Variants in HERC1 observed in about 807,000 individuals in gnomAD.
HERC1 encodes the protein probable E3 ubiquitin-protein ligase HERC1.
In HERC1, 160 loss-of-function variants were observed where a neutral mutation model predicts 554.3. The ratio of observed to expected loss-of-function variants is 0.29; its 90% CI spans 0.25 to 0.33. The LOEUF (loss-of-function observed/expected upper bound fraction) is 0.33, where lower values mean the gene tolerates loss of function less well. HERC1 is among the 10% of genes least tolerant of loss of function. The pLI, the probability that HERC1 is intolerant of heterozygous loss-of-function variation, is 1.00. For synonymous variants in HERC1, 2,175 were observed against 2,131.7 expected (o/e 1.02, Z -0.56); for missense variants, 4,919 against 5,918.5 (o/e 0.83, Z 5.54).
chr15:63,733,155 AAT>A lies in HERC1; in HGVS notation c.2647-12_2647-11del. The A allele has an allele frequency of 6.3e-7, 1 of 1,579,140 alleles. No homozygotes were observed. On this transcript the variant is annotated splice_polypyrimidine_tract_variant and intron_variant, in intron 13 of 77. Transcript: ENST00000443617. ...TATCCAGTTGCATTCTCTAAAGAAC[AAT>A]AAAATAGGAACAAGTAACTAGCGTA...
chr15:63,652,916 C>T (rs1342576330), intron 51 of HERC1, among the ~76,000 whole-genome samples: 2 of 152,132 alleles, frequency 1.3e-5, no homozygotes, highest in African/African-American at 4.8e-5. Context: ...TCTCAAAATT[C>T]TGGGATTACA....
intron 48 of HERC1, 61 bp from the exon 49 acceptor site, chr15:63,656,419 T>G: frequency 7.1e-7 from 1 of 1,412,796 alleles, no homozygotes. Context: ...AGGGACCATT[T>G]GCAGTCCCAC....
Position 63,775,912 on chromosome 15 carries a change from C to T in HERC1, c.-26-263G>A, listed in dbSNP as rs1042679537. On this transcript the variant is annotated intron_variant, in intron 1 of 77. Transcript: ENST00000443617. This position sits in a 1 kb window ranked among gnomAD's most constrained non-coding sequence, Gnocchi z 4.0. The stretch of plus-strand genomic sequence containing the variant: ...AATTAGCCAGGCATGGTGGCACATA[C>T]CTCTAGTCCCAGCTGCTTGGGAGGC... Among the ~76,000 whole-genome samples, 3 of 152,050 alleles carry T rather than the reference C, an allele frequency of 2.0e-5. No homozygotes were observed. The East Asian group carries it at 5.8e-4, about 29-fold the overall frequency.
intron 47 of HERC1, 82 bp downstream of exon 47, chr15:63,659,649 TTTTAC>T: frequency 2.2e-6 from 2 of 909,682 alleles, no homozygotes; most frequent in Non-Finnish European, 3.4e-6. Flanking sequence ...TCTTATTTAC[TTTTAC>T]TTTATTATTA....
intron 11 of HERC1, among the ~76,000 whole-genome samples, chr15:63,747,320 C>G (rs1016684100): frequency 1.7e-4 from 26 of 152,076 alleles, no homozygotes; most frequent in Non-Finnish European, 3.5e-4. Flanking sequence ...ATTAGCTGGG[C>G]ATGATGGCGG....
rs1302834367 is a variant in HERC1 at position 63,674,579 on chromosome 15, C to A, written c.7609G>T (p.Val2537Phe). 2 of 1,612,364 alleles carry A rather than the reference C, an allele frequency of 1.2e-6. No individual in the cohort carries two copies. Among genetic ancestry groups the A allele is most frequent in the African/African-American group, 2.7e-5 (2 of 74,894 alleles). Reference protein sequence around the residue: ...KYAELLLIPKVLAENGHNSDC... With the variant: ...KYAELLLIPKFLAENGHNSDC... ...GAGTTGTGGCCATTTTCAGCCAGAACTTTTGGTATCAGCAACAGCTCAGCA... is the reference window on the plus strand; with the variant it reads ...GAGTTGTGGCCATTTTCAGCCAGAAATTTTGGTATCAGCAACAGCTCAGCA... The change falls in exon 38 of 78, where the codon GTT becomes TTT. Residue 2537 changes from valine (V) to phenylalanine (F), a missense_variant. By Grantham distance (50) the Val-to-Phe change is conservative. Around this residue, in one of 11 missense-constraint regions of HERC1, gnomAD observed 1,963 missense variants for 2,228.6 expected, o/e 0.88. Transcript: ENST00000443617.
Position 63,680,596 on chromosome 15 carries a change from A to C in HERC1, c.6406T>G (p.Phe2136Val). 6.2e-7 allele frequency: 1 copy of C among 1,613,844 alleles called. No individual in the cohort carries two copies. Among genetic ancestry groups the C allele is most frequent in the Non-Finnish European group, 8.5e-7 (1 of 1,179,782 alleles). ...LTLSSFTQGD[F>V]ITCVLDMEAR... is the part of the protein sequence containing the mutation. ...TCCATGTCTAACACACAGGTAATGA[A>C]ATCTCCTTGAGTAAAGCTGGACAAT... Residue 2136 changes from phenylalanine (F) to valine (V), a missense_variant, in exon 35 of 78, where the codon TTC becomes GTC. Phe to Val is a conservative substitution (Grantham distance 50). Transcript: ENST00000443617. This position sits in a 1 kb window ranked among gnomAD's most constrained non-coding sequence, Gnocchi z 5.8.
chr15:63,810,981 A>G (rs1596308634), intron 1 of HERC1, among the ~76,000 whole-genome samples: 1 of 152,360 alleles, frequency 6.6e-6, no homozygotes, highest in South Asian at 2.1e-4. Context: ...AGGACATTGT[A>G]TAAGACAACT....
intron 38 of HERC1, among the ~76,000 whole-genome samples, chr15:63,673,930 G>A (rs1405886410): frequency 6.6e-6 from 1 of 152,136 alleles, no homozygotes; most frequent in Admixed American, 6.5e-5. Flanking sequence ...TCACCATGTT[G>A]GCCAGGCTGG....
chr15:63,675,903 CTTTT>C (rs201499820), intron 37 of HERC1, among the ~76,000 whole-genome samples: 1 of 133,288 alleles, frequency 7.5e-6, no homozygotes, highest in Admixed American at 7.7e-5. Flanking sequence ...CTGTATACAT[CTTTT>C]TTTTTTTTTT....
chr15:63,737,481 G>GATATATATATATATAT (rs1162968549), intron 12 of HERC1, among the ~76,000 whole-genome samples: 4 of 45,170 alleles, frequency 8.9e-5, no homozygotes, highest in South Asian at 6.4e-4. Flanking sequence ...CTTTTTTCCA[G>GATATATATATATATAT]ATATATATAT....
At position 63,686,461 on chromosome 15, in the gene HERC1, C is replaced by T. The variant is rs1157706242; in HGVS notation, c.6123G>A (p.Gln2041=). Residue 2041 remains glutamine (Q), a synonymous_variant, in exon 34 of 78, where the codon CAG becomes CAA. Coordinates refer to ENST00000443617, the MANE Select transcript of HERC1 (RefSeq NM_003922.4). ...QEVSFDPEKA[Q]CCLVENGQIL... ...TCTGTCCATTCTCCACTAGGCAACA[C>T]TGAGCTTTCTCCGGGTCAAAGGATA... The T allele has an allele frequency of 6.2e-7, 1 of 1,613,906 alleles. No individual in the cohort carries two copies. Among genetic ancestry groups the T allele is most frequent in the African/African-American group, 1.3e-5 (1 of 75,058 alleles).
intron 1 of HERC1, among the ~76,000 whole-genome samples, chr15:63,797,065 A>G (rs1003954657): frequency 6.6e-6 from 1 of 152,194 alleles, no homozygotes; most frequent in Non-Finnish European, 1.5e-5. Context: ...TAGAGAGCTT[A>G]GAATTTTATT....
rs758045199 is a variant in HERC1, at chr15:63,640,287, A to G, written c.11766T>C (p.Asn3922=). Residue 3922 remains asparagine (N), a synonymous_variant, in exon 61 of 78, where the codon AAT becomes AAC. Transcript: ENST00000443617. ...CLPDPASWNP[N]EWAWLECFST... ...AGAAACATTCTAACCAGGCCCATTCATTTGGATTCCAGGATGCAGGGTCAG... is the reference window on the plus strand; with the variant it reads ...AGAAACATTCTAACCAGGCCCATTCGTTTGGATTCCAGGATGCAGGGTCAG... 8.7e-6 allele frequency: 14 copies of G among 1,613,802 alleles called. No individual in the cohort carries two copies. Among genetic ancestry groups the G allele is most frequent in the South Asian group, 3.3e-5 (3 of 91,088 alleles).
At chr15:63,633,380 TAGTATGAATAAC>T (rs1489791425) in intron 67 of HERC1, among the ~76,000 whole-genome samples, 1 of 152,218 alleles carries the variant, frequency 6.6e-6, no homozygotes, top group African/African-American at 2.4e-5. Flanking sequence ...AAATCTTCTA[TAGTATGAATAAC>T]AGCTTCTAAT....
Position 63,758,888 on chromosome 15 carries a change from C to A in HERC1, c.1027-519G>T, listed in dbSNP as rs977448119. ...AACATCACAATGTACTCAACCACTTCCCCACCCCCAACTTTTTTTTTAAAT... is the reference window on the plus strand; with the variant it reads ...AACATCACAATGTACTCAACCACTTACCCACCCCCAACTTTTTTTTTAAAT... On this transcript the variant is annotated intron_variant, in intron 3 of 77. Transcript: ENST00000443617. The surrounding 1 kb of genome is among the most constrained non-coding windows in gnomAD (Gnocchi z 4.0). Among the ~76,000 whole-genome samples, 4 of 152,004 alleles carry A rather than the reference C, an allele frequency of 2.6e-5. No individual in the cohort carries two copies. The East Asian group carries it at 7.7e-4, about 29-fold the overall frequency.
At position 63,640,361 on chromosome 15, in the gene HERC1, G is replaced by T. The variant is rs761725682; in HGVS notation, c.11692C>A (p.Gln3898Lys). ...GGCACTGGAGGGTTACACAACAGCT[G>T]ATCCAGATGAAGTCCCACAGCAAGG... ...ASLAVGLHLD[Q>K]LLCNPPVPPH... Residue 3898 changes from glutamine (Q) to lysine (K), a missense_variant, in exon 61 of 78, where the codon CAG (glutamine) becomes AAG (lysine). Transcript: ENST00000443617. 6.2e-7 allele frequency: 1 copy of T among 1,613,792 alleles called. No homozygotes were observed. Among genetic ancestry groups the T allele is most frequent in the Non-Finnish European group, 8.5e-7 (1 of 1,179,736 alleles).
intron 76 of HERC1, among the ~76,000 whole-genome samples, chr15:63,614,921 A>T (rs2067749541): frequency 6.6e-6 from 1 of 152,244 alleles, no homozygotes; most frequent in Admixed American, 6.5e-5. Context: ...GAAGTATGTG[A>T]TATATCTTGA....
rs781653374 is a variant in HERC1, at chr15:63,733,115, A to G, written c.2677T>C (p.Leu893=). 6.2e-7 allele frequency: 1 copy of G among 1,613,732 alleles called. No homozygotes were observed. The highest frequency in any genetic ancestry group is 8.5e-7 in the Non-Finnish European group (1 of 1,179,624). ...GAGGCTACGTGGGTATGATCTTGCA[A>G]ACTTGTCAGGATGATATCCAGTTGC... ...RMQLDIILTS[L]QDHTHVASLL... is the part of the protein sequence containing the mutation. Residue 893 remains leucine, a synonymous_variant, in exon 14 of 78, where the codon TTG becomes CTG. Transcript: ENST00000443617.
Sources: gnomAD v4.1 joint callset for allele counts (sites outside exome capture counted in the v4.1 genomes callset) on GRCh38, gnomAD v4.1.1 for gene constraint, gnomAD v4.1.1 regional missense constraint, Gnocchi (gnomAD v3.1) non-coding constraint, MANE v1.5 for transcripts, NCBI Gene and HGNC (gene_info 2026-07-23, HGNC 2026-07-21) for gene names.